KALRN: variants seen among roughly 807,000 people sequenced by gnomAD.
The protein encoded by KALRN is kalirin.
A neutral mutation model predicts 353.7 loss-of-function variants in KALRN; 70 were observed. The ratio of observed to expected loss-of-function variants is 0.20; its 90% CI spans 0.16 to 0.24. The LOEUF (loss-of-function observed/expected upper bound fraction) is 0.24. Ranked by LOEUF, KALRN falls within the 10% of genes least tolerant of loss-of-function variation. KALRN has a pLI of 1.00. For synonymous variants in KALRN, 1,391 were observed against 1,434.8 expected, an observed-to-expected ratio of 0.97 and a Z score of 0.69; for missense variants, 2,791 against 3,756.7, an observed-to-expected ratio of 0.74 and a Z score of 6.72.
intron 33 of KALRN, among the ~76,000 whole-genome samples, chr3:124,503,653 C>G (rs2064873063): frequency 6.6e-6 from 1 of 152,178 alleles, no homozygotes; most frequent in African/African-American, 2.4e-5. Context: ...GCTGCCCTCT[C>G]ACCTCCCAGA....
chr3:124,645,664 G>A (rs940429925), intron 37 of KALRN, among the ~76,000 whole-genome samples: 11 of 48,974 alleles, frequency 2.2e-4, no homozygotes, highest in South Asian at 2.0e-3. Flanking sequence ...CTCTCTGTGC[G>A]TGTGTGTGTG....
At chr3:124,584,639 C>CCCCGCTT in intron 34 of KALRN, 1 of 1,410,898 alleles carries the variant, frequency 7.1e-7, no homozygotes, top group Non-Finnish European at 9.2e-7. Flanking sequence ...CCTGGCCCCT[C>CCCCGCTT]CCCGCTTCCC....
At chr3:124,428,987 G>A (rs1313938821) in intron 15 of KALRN, among the ~76,000 whole-genome samples, 2 of 152,178 alleles carry the variant, frequency 1.3e-5, no homozygotes, top group African/African-American at 2.4e-5. Flanking sequence ...TCATGGCAGA[G>A]GGACACTGTG....
chr3:124,720,273 A>G lies in KALRN; in HGVS notation c.*803A>G, dbSNP rs1453935469. ...CTCCCCGCAAATTCACTGGCAGCTC[A>G]GAATTATTCTGGAAAGAAAGCCTGC... On this transcript the variant is annotated 3_prime_UTR_variant, in exon 60 of 60. Coordinates refer to ENST00000682506, the MANE Select transcript of KALRN (RefSeq NM_001388419.1). 1 of 152,698 alleles carries G rather than the reference A, an allele frequency of 6.5e-6. No individual in the cohort carries two copies. The highest frequency in any genetic ancestry group is 1.5e-5 in the Non-Finnish European group (1 of 68,050). 9.5% of individuals were successfully genotyped at this position (152,698 alleles called of 1,614,324 possible).
intron 5 of KALRN, among the ~76,000 whole-genome samples, chr3:124,297,387 C>T (rs753645620): frequency 8.5e-5 from 13 of 152,232 alleles, no homozygotes; most frequent in Non-Finnish European, 1.8e-4. Flanking sequence ...TCCAAGTATA[C>T]TCTTTCACAC....
chr3:124,392,566 G>GTTTTT (rs35858857), intron 11 of KALRN, among the ~76,000 whole-genome samples: 1 of 128,044 alleles, frequency 7.8e-6, no homozygotes, highest in Non-Finnish European at 1.7e-5. Context: ...AGTTTTTTTT[G>GTTTTT]TTTTTTTTTT....
At chr3:124,330,473 C>T (rs754976431) in intron 8 of KALRN, among the ~76,000 whole-genome samples, 3 of 152,026 alleles carry the variant, frequency 2.0e-5, no homozygotes, top group Non-Finnish European at 2.9e-5. Flanking sequence ...TCTCACTAGA[C>T]GATCCAGAGG....
chr3:124,259,861 G>T (rs1327593013), intron 3 of KALRN, among the ~76,000 whole-genome samples: 2 of 152,178 alleles, frequency 1.3e-5, no homozygotes, highest in African/African-American at 4.8e-5. Context: ...AAATAGGGTT[G>T]TCCATGGAAG....
chr3:124,479,337 T>C (rs1466817558), intron 27 of KALRN, among the ~76,000 whole-genome samples: 1 of 152,226 alleles, frequency 6.6e-6, no homozygotes. Context: ...GTAGGAGTTC[T>C]TAAAGTCTGC....
chr3:124,697,741 T>C lies in KALRN; in HGVS notation c.7831+17T>C, dbSNP rs115935489. 2,378 of 1,500,946 alleles carry C rather than the reference T, an allele frequency of 1.6e-3. 5 individuals are homozygous for C. The highest frequency in any genetic ancestry group is 1.8e-3 in the Non-Finnish European group (2,031 of 1,123,402). 93.0% of individuals were successfully genotyped at this position (1,500,946 alleles called of 1,614,324 possible). On this transcript the variant is annotated intron_variant, in intron 55 of 59. Coordinates refer to ENST00000682506, the MANE Select transcript of KALRN (RefSeq NM_001388419.1). ...GAGAGGAAGGTGCACTATCTCCTGCTCTTCTTTTTCTTTTCTCTTCTTTTA... is the reference window on the plus strand; with the variant it reads ...GAGAGGAAGGTGCACTATCTCCTGCCCTTCTTTTTCTTTTCTCTTCTTTTA...
chr3:124,080,147 C>T (rs1432982732), intron 1 of KALRN: 9 of 460,210 alleles, frequency 2.0e-5, no homozygotes, highest in Middle Eastern at 4.5e-4. Context: ...CTAACACCTT[C>T]TGTATAGTAT....
intron 34 of KALRN, among the ~76,000 whole-genome samples, chr3:124,597,483 G>T (rs1476199394): frequency 2.0e-5 from 3 of 152,220 alleles, no homozygotes; most frequent in Admixed American, 6.5e-5. Flanking sequence ...CTCCCCAGGG[G>T]ATGCAGGGTT....
At chr3:124,646,412 A>T (rs1708311) in intron 37 of KALRN, among the ~76,000 whole-genome samples, 19,428 of 119,684 alleles carry the variant, frequency 0.16, 1,797 homozygotes, top group East Asian at 0.37. Flanking sequence ...TTTTTTTGAG[A>T]CAGAGCCTTG....
At chr3:124,086,582 TG>T (rs1174317744) in intron 1 of KALRN, among the ~76,000 whole-genome samples, 5 of 152,200 alleles carry the variant, frequency 3.3e-5, no homozygotes, top group Non-Finnish European at 7.3e-5. Flanking sequence ...ATTAACCCTT[TG>T]TATAATTTAT....
chr3:124,477,222 A>G (rs1177369955), intron 26 of KALRN, 23 bp from the exon 27 acceptor site: 2 of 1,531,694 alleles, frequency 1.3e-6, no homozygotes, highest in East Asian at 4.5e-5. Flanking sequence ...ATGCTTATCT[A>G]TTATTATCTT....
intron 10 of KALRN, among the ~76,000 whole-genome samples, chr3:124,361,197 A>T (rs1576283982): frequency 6.6e-6 from 1 of 152,208 alleles, no homozygotes; most frequent in African/African-American, 2.4e-5. Context: ...AAGAGGAATT[A>T]AAAAAACTGG....
At chr3:124,515,316 C>T (rs1477581384) in intron 33 of KALRN, among the ~76,000 whole-genome samples, 1 of 152,104 alleles carries the variant, frequency 6.6e-6, no homozygotes, top group Non-Finnish European at 1.5e-5. Context: ...TTTTAGCATA[C>T]CCTCCCCTCA....
chr3:124,277,659 C>G (rs201905861), intron 5 of KALRN, among the ~76,000 whole-genome samples: 2 of 152,116 alleles, frequency 1.3e-5, no homozygotes, highest in Non-Finnish European at 2.9e-5. Flanking sequence ...CCATTTGTAT[C>G]CTGAGATTAG....
intron 1 of KALRN, among the ~76,000 whole-genome samples, chr3:124,140,136 C>CT (rs2066446452): frequency 6.6e-6 from 1 of 152,120 alleles, no homozygotes; most frequent in Admixed American, 6.5e-5. Context: ...CAATCGTTGA[C>CT]TAACTTCAGT....
Sources: gnomAD v4.1 joint callset for allele counts (sites outside exome capture counted in the v4.1 genomes callset) on GRCh38, gnomAD v4.1.1 for gene constraint, MANE v1.5 for transcripts, NCBI Gene and HGNC (gene_info 2026-07-23, HGNC 2026-07-21) for gene names.